RIMS2: variants seen among roughly 807,000 people sequenced by gnomAD.
RIMS2 encodes the protein regulating synaptic membrane exocytosis protein 2.
A neutral mutation model predicts 174.4 loss-of-function variants in RIMS2; 59 were observed. That is an observed-to-expected ratio of 0.34 (90% CI 0.27 to 0.42). The LOEUF (loss-of-function observed/expected upper bound fraction) is 0.42. Ranked by LOEUF, RIMS2 falls within the 10% of genes least tolerant of loss-of-function variation. The pLI, the probability that RIMS2 is intolerant of heterozygous loss-of-function variation, is 1.00. For synonymous variants in RIMS2, 606 were observed against 572.5 expected (o/e 1.06, Z -0.84); for missense variants, 1,620 against 1,666.3 (o/e 0.97, Z 0.48).
intron 19 of RIMS2, among the ~76,000 whole-genome samples, chr8:104,036,828 G>A (rs2096528459): frequency 6.6e-6 from 1 of 152,068 alleles, no homozygotes; most frequent in Admixed American, 6.6e-5. Flanking sequence ...AGTGAGCCAA[G>A]ATCGTGCCAC....
intron 19 of RIMS2, among the ~76,000 whole-genome samples, chr8:104,224,665 GT>G (rs1021827455): frequency 8.5e-5 from 13 of 152,124 alleles, no homozygotes; most frequent in Non-Finnish European, 1.8e-4. Flanking sequence ...AACAGGGTTG[GT>G]TTTGCTTTTA....
In RIMS2 at chr8:103,623,742, G is replaced by C. The variant is rs528947852; in HGVS notation, c.177-73344G>C. Among the ~76,000 whole-genome samples the C allele has an allele frequency of 8.6e-5, 13 of 151,804 alleles. No homozygotes were observed. The East Asian group carries it at 2.5e-3, about 29-fold the overall frequency. ...CTGACCTCGTGATCCGCCCGCTTCG[G>C]CCTCCCAAAGTGCTGGGATTACAGG... On this transcript the variant is annotated intron_variant, in intron 1 of 23. Transcript: ENST00000504942.
chr8:103,650,829 C>T (rs75360578), intron 1 of RIMS2, among the ~76,000 whole-genome samples: 193 of 152,316 alleles, frequency 1.3e-3, no homozygotes, highest in African/African-American at 4.5e-3. Flanking sequence ...GAACTCAGTC[C>T]TGACTCAGGC....
At chr8:103,590,297 A>T (rs1463009431) in intron 1 of RIMS2, among the ~76,000 whole-genome samples, 1 of 151,470 alleles carries the variant, frequency 6.6e-6, no homozygotes, top group East Asian at 1.9e-4. Flanking sequence ...TTTTAAACAA[A>T]TTCAGTAAAG....
chr8:104,170,038 G>T (rs572265227), intron 19 of RIMS2, among the ~76,000 whole-genome samples: 1 of 152,080 alleles, frequency 6.6e-6, no homozygotes, highest in Non-Finnish European at 1.5e-5. Context: ...TACTTGATAT[G>T]ATTTCAATTT....
chr8:104,125,482 A>G (rs1013082863), intron 19 of RIMS2, among the ~76,000 whole-genome samples: 2 of 152,182 alleles, frequency 1.3e-5, no homozygotes, highest in Non-Finnish European at 2.9e-5. Context: ...TACATAATAG[A>G]TGGTTATTGT....
At chr8:103,847,132 C>T (rs919337452) in intron 3 of RIMS2, among the ~76,000 whole-genome samples, 7 of 152,086 alleles carry the variant, frequency 4.6e-5, no homozygotes, top group African/African-American at 1.2e-4. Context: ...AAGCATCCCC[C>T]ACTTTAGGAA....
intron 5 of RIMS2, chr8:103,910,416 G>C: frequency 1.3e-6 from 2 of 1,596,576 alleles, no homozygotes; most frequent in Non-Finnish European, 1.7e-6. Flanking sequence ...GATGTACTTT[G>C]GTGGCCACTC....
intron 2 of RIMS2, among the ~76,000 whole-genome samples, chr8:103,705,076 C>T (rs554765631): frequency 4.4e-4 from 67 of 151,880 alleles, no homozygotes; most frequent in Admixed American, 6.5e-4. Context: ...ACTTTTTTGA[C>T]TTAGCCATTT....
At chr8:104,085,766 T>C (rs779665624) in intron 19 of RIMS2, among the ~76,000 whole-genome samples, 29 of 152,276 alleles carry the variant, frequency 1.9e-4, no homozygotes, top group Non-Finnish European at 3.2e-4. Context: ...TCACAACTTA[T>C]CTAGGTTTTA....
At chr8:103,601,075 CGTT>C (rs1353636481) in intron 1 of RIMS2, among the ~76,000 whole-genome samples, 4 of 152,062 alleles carry the variant, frequency 2.6e-5, no homozygotes, top group Non-Finnish European at 5.9e-5. Context: ...TTTCCTATAG[CGTT>C]GTTTGAGCTC....
chr8:103,607,411 C>A (rs1237530863), intron 1 of RIMS2, among the ~76,000 whole-genome samples: 1 of 151,878 alleles, frequency 6.6e-6, no homozygotes, highest in Non-Finnish European at 1.5e-5. Context: ...GTAACCCGAC[C>A]TTTCTCTCTG....
intron 19 of RIMS2, among the ~76,000 whole-genome samples, chr8:104,023,317 A>G (rs1023267790): frequency 2.0e-5 from 3 of 152,046 alleles, no homozygotes; most frequent in Non-Finnish European, 2.9e-5. Context: ...GATGATGTCA[A>G]TTACTACATT....
At chr8:103,926,103 A>T (rs1188381205) in intron 10 of RIMS2, among the ~76,000 whole-genome samples, 1 of 151,540 alleles carries the variant, frequency 6.6e-6, no homozygotes, top group Non-Finnish European at 1.5e-5. Context: ...GGATTAATTT[A>T]TTTGAAAGTA....
chr8:103,913,570 A>G (rs1396360362), intron 6 of RIMS2, among the ~76,000 whole-genome samples: 1 of 152,212 alleles, frequency 6.6e-6, no homozygotes, highest in East Asian at 1.9e-4. Flanking sequence ...TGCTGTAAAG[A>G]AATACCTGAC....
At chr8:104,116,815 A>G (rs762022176) in intron 19 of RIMS2, among the ~76,000 whole-genome samples, 3 of 152,172 alleles carry the variant, frequency 2.0e-5, no homozygotes, top group Non-Finnish European at 4.4e-5. Flanking sequence ...TTATCAGTCT[A>G]ACTTAAGTAT....
At chr8:104,132,738 G>C (rs918294429) in intron 19 of RIMS2, among the ~76,000 whole-genome samples, 1 of 152,160 alleles carries the variant, frequency 6.6e-6, no homozygotes, top group African/African-American at 2.4e-5. Context: ...TGAAAGAATT[G>C]AGCAAAACAA....
intron 19 of RIMS2, among the ~76,000 whole-genome samples, chr8:104,127,477 A>T (rs1451304648): frequency 1.3e-5 from 2 of 152,154 alleles, no homozygotes; most frequent in African/African-American, 4.8e-5. Context: ...AATGAATAGC[A>T]TGTGTTGTAT....
intron 1 of RIMS2, among the ~76,000 whole-genome samples, chr8:103,606,690 T>C (rs1239327882): frequency 1.3e-5 from 2 of 152,186 alleles, no homozygotes; most frequent in Non-Finnish European, 2.9e-5. Flanking sequence ...TGCTCCTATA[T>C]TGGGTGCATA....
Sources: allele counts gnomAD v4.1 joint callset (sites outside exome capture counted in the v4.1 genomes callset), GRCh38; gene constraint gnomAD v4.1.1; transcripts MANE v1.5; gene names NCBI Gene and HGNC (gene_info 2026-07-23, HGNC 2026-07-21).